The following RPSA2 variants were observed in gnomAD, a reference collection of about 807,000 sequenced individuals.
The protein encoded by RPSA2 is small ribosomal subunit protein uS2B.
At chr19:23,829,487 T>G in the RPSA2 span, among the ~76,000 whole-genome samples, 2 of 152,066 alleles carry the variant, frequency 1.3e-5, no homozygotes, top group African/African-American at 4.8e-5. Context: ...TTTTAGTAGA[T>G]ATGAGGTTTC....
chr19:23,770,012 CTT>C, the RPSA2 span, among the ~76,000 whole-genome samples: 1 of 152,178 alleles, frequency 6.6e-6, no homozygotes, highest in Admixed American at 6.5e-5. Flanking sequence ...TGATGTGACT[CTT>C]TGCTCATGCA....
the RPSA2 span, chr19:23,758,597 C>G: frequency 3.4e-6 from 4 of 1,190,762 alleles, no homozygotes; most frequent in African/African-American, 1.5e-5. Context: ...GGCTGGCTGT[C>G]AGCGCAGCCG....
chr19:23,790,537 T>C, the RPSA2 span, among the ~76,000 whole-genome samples: 1 of 152,024 alleles, frequency 6.6e-6, no homozygotes, highest in Non-Finnish European at 1.5e-5. Context: ...TCTTGAACGA[T>C]ATCCAGTCAG....
chr19:23,833,265 A>T, the RPSA2 span: 1 of 933,070 alleles, frequency 1.1e-6, no homozygotes, highest in Non-Finnish European at 1.4e-6. Context: ...TTACAACTTA[A>T]TGCACATAAG....
the RPSA2 span, among the ~76,000 whole-genome samples, chr19:23,849,755 C>T: frequency 6.6e-6 from 1 of 152,124 alleles, no homozygotes; most frequent in Non-Finnish European, 1.5e-5. Context: ...CCCTTTGGTG[C>T]CCAGTCTATT....
the RPSA2 span, among the ~76,000 whole-genome samples, chr19:23,850,113 T>G: frequency 1.3e-5 from 2 of 151,686 alleles, no homozygotes; most frequent in African/African-American, 4.8e-5. Context: ...TTCTCCTGGT[T>G]GAGTGGGGCA....
chr19:23,835,192 T>C, the RPSA2 span, among the ~76,000 whole-genome samples: 4 of 135,060 alleles, frequency 3.0e-5, no homozygotes, highest in Non-Finnish European at 4.7e-5. Flanking sequence ...GAGTCCTTAA[T>C]AAATATTTTT....
the RPSA2 span, among the ~76,000 whole-genome samples, chr19:23,870,505 C>T: frequency 7.6e-6 from 1 of 131,914 alleles, no homozygotes; most frequent in African/African-American, 2.9e-5. Flanking sequence ...TCCAACATCA[C>T]CTTTGACATT....
the RPSA2 span, among the ~76,000 whole-genome samples, chr19:23,764,183 A>G: frequency 1.4e-4 from 22 of 152,182 alleles, no homozygotes; most frequent in Non-Finnish European, 2.5e-4. Flanking sequence ...TTAACACTCC[A>G]CAGGAGGAGG....
the RPSA2 span, among the ~76,000 whole-genome samples, chr19:23,863,378 A>T: frequency 6.6e-6 from 1 of 152,168 alleles, no homozygotes; most frequent in Non-Finnish European, 1.5e-5. Flanking sequence ...AGCCTGGCCA[A>T]CATGGTGAAA....
At chr19:23,762,756 G>T in the RPSA2 span, among the ~76,000 whole-genome samples, 3 of 151,840 alleles carry the variant, frequency 2.0e-5, no homozygotes, top group Admixed American at 6.6e-5. Flanking sequence ...CCCAGGTAAG[G>T]AAAAGAGCAA....
the RPSA2 span, among the ~76,000 whole-genome samples, chr19:23,853,857 C>A: frequency 6.6e-6 from 1 of 152,202 alleles, no homozygotes; most frequent in Non-Finnish European, 1.5e-5. Flanking sequence ...GCTTTTCCAA[C>A]ACCTACTAGT....
chr19:23,851,774 C>A, the RPSA2 span, among the ~76,000 whole-genome samples: 1 of 152,174 alleles, frequency 6.6e-6, no homozygotes, highest in African/African-American at 2.4e-5. Context: ...ATGGGCTGAT[C>A]TTTGGTCAGT....
the RPSA2 span, among the ~76,000 whole-genome samples, chr19:23,778,995 CTTTT>C: frequency 3.7e-5 from 3 of 80,692 alleles, no homozygotes; most frequent in Admixed American, 2.2e-4. Flanking sequence ...TTTTGTGACA[CTTTT>C]TTTTTTTTTT....
chr19:23,819,807 T>G, the RPSA2 span, among the ~76,000 whole-genome samples: 1 of 152,118 alleles, frequency 6.6e-6, no homozygotes, highest in Non-Finnish European at 1.5e-5. Flanking sequence ...GGCAAAATTT[T>G]TTTAGTAGCT....
chr19:23,858,566 A>T, the RPSA2 span, among the ~76,000 whole-genome samples: 1 of 152,232 alleles, frequency 6.6e-6, no homozygotes, highest in Non-Finnish European at 1.5e-5. Flanking sequence ...TTCCCTTCTA[A>T]TAAAAAGCAA....
chr19:23,772,220 TC>T, the RPSA2 span, among the ~76,000 whole-genome samples: 15 of 152,316 alleles, frequency 9.8e-5, no homozygotes, highest in African/African-American at 3.4e-4. Flanking sequence ...ATTTGGCTCT[TC>T]TGCCTCTGTC....
chr19:23,842,206 G>C, the RPSA2 span, among the ~76,000 whole-genome samples: 6 of 152,170 alleles, frequency 3.9e-5, no homozygotes, highest in African/African-American at 1.2e-4. Context: ...TATCTCCTAA[G>C]TTACTGTGAC....
chr19:23,844,331 A>G, the RPSA2 span, among the ~76,000 whole-genome samples: 25 of 152,116 alleles, frequency 1.6e-4, no homozygotes, highest in Non-Finnish European at 3.4e-4. Flanking sequence ...TGCTATTGTG[A>G]GCATGCTGTG....
Sources: allele counts gnomAD v4.1 joint callset (sites outside exome capture counted in the v4.1 genomes callset), GRCh38; gene constraint gnomAD v4.1.1; transcripts MANE v1.5; gene names NCBI Gene and HGNC (gene_info 2026-07-23, HGNC 2026-07-21).